Variants in MMP16 observed in about 807,000 individuals in gnomAD.
The protein encoded by MMP16 is matrix metalloproteinase-16.
Under a neutral mutation model 67.8 loss-of-function variants are expected in MMP16, and 12 were observed. The ratio of observed to expected loss-of-function variants is 0.18; its 90% confidence interval spans 0.11 to 0.29. The LOEUF (loss-of-function observed/expected upper bound fraction) is 0.29, where lower values mean the gene tolerates loss of function less well. MMP16 is among the 10% of genes least tolerant of loss of function. The pLI is 1.00. For synonymous variants in MMP16, 249 were observed against 255.9 expected (o/e 0.97, Z 0.26); for missense variants, 475 against 765.7 (o/e 0.62, Z 4.48).
chr8:88,326,992 C>G, intron 1 of MMP16, 83 bp downstream of exon 1: 2 of 1,574,886 alleles, frequency 1.3e-6, no homozygotes, highest in South Asian at 1.1e-5. Flanking sequence ...CTGCTCTGAG[C>G]TACAAGGATC....
chr8:88,220,596 C>T (rs1809666943), intron 1 of MMP16, among the ~76,000 whole-genome samples: 1 of 151,972 alleles, frequency 6.6e-6, no homozygotes, highest in South Asian at 2.1e-4. Context: ...TCTCATCAAG[C>T]CATTGATAAT....
At chr8:88,133,215 T>G (rs929680831) in intron 4 of MMP16, among the ~76,000 whole-genome samples, 1 of 140,350 alleles carries the variant, frequency 7.1e-6, no homozygotes, top group Non-Finnish European at 1.5e-5. Flanking sequence ...ATTACCTTTA[T>G]TAAATTTGAT....
At chr8:88,161,886 G>A (rs894223336) in intron 4 of MMP16, among the ~76,000 whole-genome samples, 4 of 152,008 alleles carry the variant, frequency 2.6e-5, no homozygotes, top group African/African-American at 9.7e-5. Flanking sequence ...TCTTAATCCT[G>A]AGTTCTAGTT....
intron 4 of MMP16, among the ~76,000 whole-genome samples, chr8:88,166,709 A>G (rs1307524321): frequency 7.3e-6 from 1 of 136,952 alleles, no homozygotes; most frequent in South Asian, 2.3e-4. Flanking sequence ...ATATATATAT[A>G]TATATATATA....
chr8:88,211,056 G>A (rs1236869808), intron 1 of MMP16, among the ~76,000 whole-genome samples: 1 of 152,082 alleles, frequency 6.6e-6, no homozygotes, highest in Non-Finnish European at 1.5e-5. Flanking sequence ...GGATACAAGT[G>A]TCATTGTAAC....
chr8:88,062,681 T>C (rs931047113), intron 7 of MMP16, among the ~76,000 whole-genome samples: 2 of 151,802 alleles, frequency 1.3e-5, no homozygotes, highest in Admixed American at 1.3e-4. Context: ...TGGGGAGGGA[T>C]AGCATTAGGA....
At chr8:88,150,974 C>T (rs1226121903) in intron 4 of MMP16, among the ~76,000 whole-genome samples, 21 of 141,018 alleles carry the variant, frequency 1.5e-4, no homozygotes, top group Middle Eastern at 3.4e-3. Context: ...ACCCATCTCA[C>T]GTGCAGAGAC....
intron 1 of MMP16, among the ~76,000 whole-genome samples, chr8:88,242,181 C>CT (rs1810044030): frequency 6.6e-6 from 1 of 152,302 alleles, no homozygotes; most frequent in South Asian, 2.1e-4. Context: ...TAACAGCTAT[C>CT]TTTTTTCCCA....
chr8:88,080,851 A>C (rs1483472126), intron 6 of MMP16, among the ~76,000 whole-genome samples: 2 of 152,178 alleles, frequency 1.3e-5, no homozygotes, highest in African/African-American at 4.8e-5. Context: ...TACCGAAAGA[A>C]AGACAAAAAT....
At chr8:88,203,523 C>G (rs377565378) in intron 1 of MMP16, among the ~76,000 whole-genome samples, 24 of 152,262 alleles carry the variant, frequency 1.6e-4, no homozygotes, top group African/African-American at 5.5e-4. Flanking sequence ...ACTAACCAAA[C>G]TTCATACATT....
At chr8:88,306,503 T>C (rs1174524961) in intron 1 of MMP16, among the ~76,000 whole-genome samples, 1 of 152,156 alleles carries the variant, frequency 6.6e-6, no homozygotes, top group Non-Finnish European at 1.5e-5. Flanking sequence ...CCAATATCCT[T>C]GATGAACATG....
intron 2 of MMP16, among the ~76,000 whole-genome samples, chr8:88,189,190 A>G (rs1365852160): frequency 6.6e-6 from 1 of 152,204 alleles, no homozygotes; most frequent in African/African-American, 2.4e-5. Flanking sequence ...GAAGAAAAAA[A>G]GAGCCCCTTC....
intron 1 of MMP16, among the ~76,000 whole-genome samples, chr8:88,227,802 C>A (rs935748036): frequency 5.9e-5 from 9 of 152,006 alleles, no homozygotes; most frequent in Non-Finnish European, 1.3e-4. Context: ...GCTGACCCTT[C>A]AAATCAGAAG....
rs77225622 is a variant in MMP16 at position 88,061,610 on chromosome 8, G to A, written c.1223-5332C>T. On this transcript the variant is annotated intron_variant, in intron 7 of 9. Transcript: ENST00000286614. ...TCATCAATAACCAGGATGCCCTGGT[G>A]CATGGAGCAGGAGAAATGGTTCACA... 7.2e-5 allele frequency among the ~76,000 whole-genome samples: 11 copies of A among 152,116 alleles called. No individual in the cohort carries two copies. In the East Asian group the frequency reaches 1.7e-3, roughly 24 times the overall value.
chr8:88,324,645 T>C (rs1245714270), intron 1 of MMP16, among the ~76,000 whole-genome samples: 1 of 152,110 alleles, frequency 6.6e-6, no homozygotes, highest in Non-Finnish European at 1.5e-5. Context: ...ATCAATCAAA[T>C]AAAACATTCC....
At chr8:88,210,088 A>G (rs113186824) in intron 1 of MMP16, among the ~76,000 whole-genome samples, 72 of 152,004 alleles carry the variant, frequency 4.7e-4, no homozygotes, top group African/African-American at 1.7e-3. Flanking sequence ...TCTTTCCTAG[A>G]CCTCCACCAG....
At chr8:88,063,059 A>G (rs879307989) in intron 7 of MMP16, among the ~76,000 whole-genome samples, 6 of 152,134 alleles carry the variant, frequency 3.9e-5, no homozygotes, top group Non-Finnish European at 7.4e-5. Context: ...TCTTACTGAC[A>G]TTGTACTTGG....
intron 4 of MMP16, among the ~76,000 whole-genome samples, chr8:88,149,591 G>C (rs1461338474): frequency 1.3e-5 from 2 of 152,014 alleles, no homozygotes; most frequent in African/African-American, 4.8e-5. Flanking sequence ...GCACCCCCCA[G>C]CAGGGGCACA....
chr8:88,252,656 A>C (rs992990712), intron 1 of MMP16, among the ~76,000 whole-genome samples: 1 of 151,892 alleles, frequency 6.6e-6, no homozygotes, highest in Non-Finnish European at 1.5e-5. Flanking sequence ...CAAAAAAAAA[A>C]AAAAGGAAAG....
Sources: gnomAD v4.1 joint callset for allele counts (sites outside exome capture counted in the v4.1 genomes callset) on GRCh38, gnomAD v4.1.1 for gene constraint, MANE v1.5 for transcripts, NCBI Gene and HGNC (gene_info 2026-07-23, HGNC 2026-07-21) for gene names.